ZNF317: variants seen among roughly 807,000 people sequenced by gnomAD.
ZNF317 encodes zinc finger protein 317.
A neutral mutation model predicts 23.4 loss-of-function variants in ZNF317; 17 were observed. That is an observed-to-expected ratio of 0.73 (90% CI 0.50 to 1.09). ZNF317 has a LOEUF of 1.09. Ranked by LOEUF, ZNF317 falls within the 50% of genes least tolerant of loss-of-function variation. The probability of loss-of-function intolerance (pLI) is 0.00; values close to 1 mark genes in which losing one functional copy is unlikely to be tolerated. For synonymous variants in ZNF317, 317 were observed against 314.9 expected, an observed-to-expected ratio of 1.01 and a Z score of -0.07; for missense variants, 679 against 796.7, an observed-to-expected ratio of 0.85 and a Z score of 1.78.
chr19:9,161,494 A>G lies in ZNF317; in HGVS notation c.*61A>G. Reference sequence around the variant, plus strand: ...CGGAAACAGACCTCGTGGGTGTAAGAGGAAGCCTCTGTGAGCTCGCACCTT... The same window carrying G: ...CGGAAACAGACCTCGTGGGTGTAAGGGGAAGCCTCTGTGAGCTCGCACCTT... On this transcript the variant is annotated 3_prime_UTR_variant, in exon 7 of 7. Coordinates refer to ENST00000247956, the MANE Select transcript of ZNF317 (RefSeq NM_020933.5). This position sits in a 1 kb window ranked among gnomAD's most constrained non-coding sequence, Gnocchi z 4.0. The G allele has an allele frequency of 6.5e-7, 1 of 1,544,240 alleles. No individual in the cohort carries two copies. Among genetic ancestry groups the G allele is most frequent in the Non-Finnish European group, 8.7e-7 (1 of 1,144,106 alleles).
At chr19:9,147,062 A>G (rs577318828) in intron 1 of ZNF317, among the ~76,000 whole-genome samples, 8 of 152,248 alleles carry the variant, frequency 5.3e-5, no homozygotes, top group African/African-American at 1.9e-4. Flanking sequence ...CTCTGAGCCA[A>G]CCTTGTGCTT....
rs1412815514 is a variant in ZNF317 at position 9,140,526 on chromosome 19, A to G, written c.-159A>G. 2 of 456,578 alleles carry G rather than the reference A, an allele frequency of 4.4e-6. No individual in the cohort carries two copies. Among genetic ancestry groups the G allele is most frequent in the South Asian group, 1.5e-5 (1 of 64,566 alleles). The allele number at this position is 456,578 out of a possible 1,614,324, so 28.3% of individuals were successfully genotyped here. A position where few individuals can be genotyped will look rare whatever the true frequency, so the allele number is the denominator to read the frequency against. On this transcript the variant is annotated 5_prime_UTR_variant, in exon 1 of 7. The change abolishes an upstream ATG in the 5' untranslated region. Coordinates refer to ENST00000247956, the MANE Select transcript of ZNF317 (RefSeq NM_020933.5). ...CCCCACGCCAGACTGGACCTCCCGT[A>G]TGAACTTCTCTTCGCATCGGCGGCG...
At position 9,160,491 on chromosome 19, in the gene ZNF317, G is replaced by C; in HGVS notation, c.846G>C (p.Gln282His). Reference sequence around the variant, plus strand: ...AAGAGAAGCCCTTTGACTGCAGTCAGTGTGGAAATGCATTCCGGACCCTCT... The same window carrying C: ...AAGAGAAGCCCTTTGACTGCAGTCACTGTGGAAATGCATTCCGGACCCTCT... ...HLKEKPFDCS[Q>H]CGNAFRTLSA... Residue 282 changes from glutamine (Q) to histidine (H), a missense_variant, in exon 7 of 7, where the codon CAG (glutamine) becomes CAC (histidine). Physicochemically the swap from Gln to His is conservative, Grantham distance 24. Transcript: ENST00000247956. The surrounding 1 kb of genome is among the most constrained non-coding windows in gnomAD (Gnocchi z 6.8). The C allele has an allele frequency of 6.2e-7, 1 of 1,614,156 alleles. No individual in the cohort carries two copies. The highest frequency in any genetic ancestry group is 8.5e-7 in the Non-Finnish European group (1 of 1,180,034).
At chr19:9,147,121 C>T (rs1163240234) in intron 1 of ZNF317, among the ~76,000 whole-genome samples, 2 of 152,084 alleles carry the variant, frequency 1.3e-5, no homozygotes, top group Non-Finnish European at 2.9e-5. Flanking sequence ...TGTCTAGCAG[C>T]CTTGGTTGCC....
At chr19:9,157,188 C>A (rs137955218) in intron 3 of ZNF317, 80 bp from the exon 4 acceptor site, 104 of 1,556,086 alleles carry the variant, frequency 6.7e-5, no homozygotes, top group Non-Finnish European at 8.4e-5. Flanking sequence ...CTCTCATGCC[C>A]GGTCTTCAAC....
intron 5 of ZNF317, 84 bp from the exon 6 acceptor site, chr19:9,158,742 C>T: frequency 1.1e-6 from 1 of 915,454 alleles, no homozygotes; most frequent in African/African-American, 1.6e-5. Flanking sequence ...GCCTTAGGAT[C>T]TGCCAAGAAA....
chr19:9,152,567 C>A (rs1027588854), intron 1 of ZNF317, among the ~76,000 whole-genome samples: 1 of 152,228 alleles, frequency 6.6e-6, no homozygotes, highest in Non-Finnish European at 1.5e-5. Context: ...ATCTAGATTG[C>A]ACACTCCTTA....
At position 9,161,163 on chromosome 19, in the gene ZNF317, G is replaced by A; in HGVS notation, c.1518G>A (p.Gln506=). The change falls in exon 7 of 7, where the codon CAG becomes CAA. Residue 506 remains glutamine, a synonymous_variant. Coordinates refer to ENST00000247956, the MANE Select transcript of ZNF317 (RefSeq NM_020933.5). The surrounding 1 kb of genome is among the most constrained non-coding windows in gnomAD (Gnocchi z 4.0). The part of the protein sequence containing the change: ...HLVKKRVECR[Q]CGKAFRNQST... ...TAAAGAAACGAGTTGAGTGTAGGCA[G>A]TGTGGCAAGGCCTTCAGGAACCAGT... The A allele has an allele frequency of 6.2e-7, 1 of 1,614,080 alleles. No homozygotes were observed. The highest frequency in any genetic ancestry group is 8.5e-7 in the Non-Finnish European group (1 of 1,180,018).
At chr19:9,153,154 TTGTTTGTTTG>T (rs2050751065) in intron 1 of ZNF317, among the ~76,000 whole-genome samples, 1 of 139,628 alleles carries the variant, frequency 7.2e-6, no homozygotes, top group African/African-American at 3.3e-5. Context: ...TTGTTTTTGT[TTGTTTGTTTG>T]TTTGTTTGTT....
rs1477163558 is a variant in ZNF317 at position 9,157,309 on chromosome 19, G to A, written c.204G>A (p.Glu68=). 6.2e-7 allele frequency: 1 copy of A among 1,614,026 alleles called. No homozygotes were observed. The highest frequency in any genetic ancestry group is 8.5e-7 in the Non-Finnish European group (1 of 1,180,026). The change falls in exon 4 of 7, where the codon GAG becomes GAA. Residue 68 remains glutamate (E), a synonymous_variant. Coordinates refer to ENST00000247956, the MANE Select transcript of ZNF317 (RefSeq NM_020933.5). ...AAGATGTCGCTGTGGACTTTACCGA[G>A]AAGGAGTGGCCCTTGCTGGATTCTT... The part of the protein sequence containing the change: ...TFQDVAVDFT[E]KEWPLLDSSQ...
intron 1 of ZNF317, among the ~76,000 whole-genome samples, chr19:9,147,947 C>T (rs2050702216): frequency 6.6e-6 from 1 of 152,104 alleles, no homozygotes; most frequent in Non-Finnish European, 1.5e-5. Context: ...TAGCACCATC[C>T]CCCTTGGCAC....
At chr19:9,147,342 T>TGTTGTTTG (rs1555713180) in intron 1 of ZNF317, among the ~76,000 whole-genome samples, 44 of 106,146 alleles carry the variant, frequency 4.1e-4, no homozygotes, top group African/African-American at 1.4e-3. Context: ...TTTTTTTTTT[T>TGTTGTTTG]TTTTTTTTTT....
At chr19:9,157,565 A>C in intron 4 of ZNF317, 171 bp downstream of exon 4, 1 of 828,998 alleles carries the variant, frequency 1.2e-6, no homozygotes, top group Non-Finnish European at 1.8e-6. Flanking sequence ...CATCTATTGC[A>C]GGGACCATGG....
At chr19:9,156,351 G>A (rs555708228) in intron 2 of ZNF317, among the ~76,000 whole-genome samples, 1 of 152,136 alleles carries the variant, frequency 6.6e-6, no homozygotes, top group Non-Finnish European at 1.5e-5. Flanking sequence ...CTCAGAACTT[G>A]CATTTCTTCA....
At chr19:9,144,462 CT>C (rs2050665579) in intron 1 of ZNF317, among the ~76,000 whole-genome samples, 1 of 149,646 alleles carries the variant, frequency 6.7e-6, no homozygotes. Context: ...TTTTCTCTAG[CT>C]TCTTTTGTGT....
At chr19:9,158,712 G>A in intron 5 of ZNF317, 114 bp from the exon 6 acceptor site, 1 of 710,398 alleles carries the variant, frequency 1.4e-6, no homozygotes, top group Non-Finnish European at 2.5e-6. Flanking sequence ...AATTGCTTTT[G>A]CACCACTTTT....
intron 1 of ZNF317, among the ~76,000 whole-genome samples, chr19:9,146,256 G>T (rs1402979317): frequency 6.6e-6 from 1 of 151,664 alleles, no homozygotes; most frequent in African/African-American, 2.4e-5. Flanking sequence ...TTCCTACCCT[G>T]CTCCCCACCC....
intron 6 of ZNF317, among the ~76,000 whole-genome samples, chr19:9,159,539 G>GT (rs1232359979): frequency 1.2e-4 from 17 of 145,260 alleles, no homozygotes; most frequent in Non-Finnish European, 2.1e-4. Flanking sequence ...TTTTGTTGTT[G>GT]TTTTTGTTTT....
intron 1 of ZNF317, among the ~76,000 whole-genome samples, chr19:9,154,739 G>A (rs993641052): frequency 6.6e-6 from 1 of 152,144 alleles, no homozygotes; most frequent in African/African-American, 2.4e-5. Flanking sequence ...TAAATATCTA[G>A]GAGCAGAATT....
Sources: gnomAD v4.1 joint callset for allele counts (sites outside exome capture counted in the v4.1 genomes callset) on GRCh38, gnomAD v4.1.1 for gene constraint, Gnocchi (gnomAD v3.1) non-coding constraint, MANE v1.5 for transcripts, NCBI Gene and HGNC (gene_info 2026-07-23, HGNC 2026-07-21) for gene names.